The following GRK7 variants were observed in gnomAD, a reference collection of about 807,000 sequenced individuals.
GRK7 encodes rhodopsin kinase GRK7.
In GRK7, 24 loss-of-function variants were observed where a neutral mutation model predicts 34.1. The observed-to-expected ratio is 0.70, with a 90% CI of 0.51 to 0.99. The LOEUF is 0.99. Ranked by LOEUF, GRK7 falls within the 50% of genes least tolerant of loss-of-function variation. The pLI is 0.00. For missense variants in GRK7, 644 were observed against 707.3 expected, an observed-to-expected ratio of 0.91 and a Z score of 1.02; for synonymous variants, 256 against 279.4, an observed-to-expected ratio of 0.92 and a Z score of 0.84.
intron 5 of GRK7, among the ~76,000 whole-genome samples, chr3:141,815,327 TA>T (rs1201712857): frequency 1.3e-5 from 2 of 152,208 alleles, no homozygotes; most frequent in African/African-American, 4.8e-5. Flanking sequence ...AATTGACTTT[TA>T]TCTGATGATT....
intron 4 of GRK7, among the ~76,000 whole-genome samples, chr3:141,786,416 G>T (rs907581310): frequency 7.2e-5 from 11 of 152,164 alleles, no homozygotes; most frequent in African/African-American, 2.7e-4. Flanking sequence ...AGACCCGTGA[G>T]TATGATGAGA....
chr3:141,754,025 TAA>T, the GRK7 span, among the ~76,000 whole-genome samples: 1 of 152,256 alleles, frequency 6.6e-6, no homozygotes, highest in African/African-American at 2.4e-5. Context: ...CCAGGTTTAA[TAA>T]AGAGATAATG....
chr3:141,798,469 C>T (rs538483937), intron 4 of GRK7, among the ~76,000 whole-genome samples: 1 of 151,996 alleles, frequency 6.6e-6, no homozygotes, highest in Non-Finnish European at 1.5e-5. Context: ...ACACACACAC[C>T]CACACACCCC....
chr3:141,778,226 C>T lies in GRK7; in HGVS notation c.-59C>T, dbSNP rs554122518. 1.4e-4 allele frequency: 216 copies of T among 1,513,650 alleles called. 3 individuals are homozygous for T. The African/African-American group carries it at 1.9e-3, about 13-fold the overall frequency. The allele number at this position is 1,513,650 out of a possible 1,614,324, so 93.8% of individuals were successfully genotyped here. A position where few individuals can be genotyped will look rare whatever the true frequency, so the allele number is the denominator to read the frequency against. ...CGTTGTCTCACCCGGGAAGGGAAAG[C>T]AGCCAGCAGCCCTCCAGCCCTCTTG... On this transcript the variant is annotated 5_prime_UTR_variant, in exon 3 of 6. Coordinates refer to ENST00000682958, the MANE Select transcript of GRK7 (RefSeq NM_139209.3). This position sits in a 1 kb window ranked among gnomAD's most constrained non-coding sequence, Gnocchi z 4.1.
intron 4 of GRK7, among the ~76,000 whole-genome samples, chr3:141,795,602 G>A (rs979102718): frequency 6.6e-6 from 1 of 152,074 alleles, no homozygotes. Context: ...TATTGGCAAG[G>A]GTGCTGGGGA....
At chr3:141,779,640 T>C (rs555939459) in intron 3 of GRK7, among the ~76,000 whole-genome samples, 1 of 152,264 alleles carries the variant, frequency 6.6e-6, no homozygotes, top group South Asian at 2.1e-4. Flanking sequence ...TCAATCTGGA[T>C]CCAAGACACT....
intron 1 of GRK7, among the ~76,000 whole-genome samples, chr3:141,772,072 G>T (rs1027257882): frequency 1.3e-5 from 2 of 151,854 alleles, no homozygotes; most frequent in Non-Finnish European, 2.9e-5. Flanking sequence ...GGTTCTTTGG[G>T]TATTTTGTTT....
chr3:141,782,251 A>G (rs940220278), intron 4 of GRK7, among the ~76,000 whole-genome samples: 27 of 152,226 alleles, frequency 1.8e-4, no homozygotes, highest in Admixed American at 1.8e-3. Context: ...CAGGCAAGAA[A>G]TAATGGGGGT....
intron 4 of GRK7, among the ~76,000 whole-genome samples, chr3:141,784,230 G>A (rs2084685390): frequency 6.6e-6 from 1 of 152,162 alleles, no homozygotes; most frequent in East Asian, 1.9e-4. Flanking sequence ...CGTGCAGGAA[G>A]GTTTCTGTGC....
chr3:141,808,742 G>A (rs1230818162), intron 5 of GRK7, among the ~76,000 whole-genome samples: 1 of 151,972 alleles, frequency 6.6e-6, no homozygotes, highest in Non-Finnish European at 1.5e-5. Context: ...AAGTAGAACG[G>A]CAGTTTCCTG....
chr3:141,766,412 C>T (rs2084581337), intron 1 of GRK7, among the ~76,000 whole-genome samples: 1 of 152,190 alleles, frequency 6.6e-6, no homozygotes, highest in Non-Finnish European at 1.5e-5. Context: ...ATCCACCCGC[C>T]TCGGCCTCCC....
Position 141,778,222 on chromosome 3 carries a change from A to G in GRK7, c.-63A>G, listed in dbSNP as rs542940579. On this transcript the variant is annotated 5_prime_UTR_variant, in exon 3 of 6. Transcript: ENST00000682958. The surrounding 1 kb of genome is among the most constrained non-coding windows in gnomAD (Gnocchi z 4.1). ...TGGACGTTGTCTCACCCGGGAAGGGAAAGCAGCCAGCAGCCCTCCAGCCCT... is the reference window on the plus strand; with the variant it reads ...TGGACGTTGTCTCACCCGGGAAGGGGAAGCAGCCAGCAGCCCTCCAGCCCT... 4 of 1,513,164 alleles carry G rather than the reference A, an allele frequency of 2.6e-6. No homozygotes were observed. In the African/African-American group the frequency reaches 5.6e-5, roughly 21 times the overall value. The allele number at this position is 1,513,164 out of a possible 1,614,324, so 93.7% of individuals were successfully genotyped here.
chr3:141,807,876 A>G lies in GRK7; in HGVS notation c.1282A>G (p.Arg428Gly), dbSNP rs1388747975. The change falls in exon 5 of 6, where the codon AGG becomes GGG. Residue 428 changes from arginine to glycine, a missense_variant. Coordinates refer to ENST00000682958, the MANE Select transcript of GRK7 (RefSeq NM_139209.3). ...CACAGAGGAAGCAAAAGATATTTGC[A>G]GGCTCTTCTTGGCTAAGAAACCAGA... ...NFTEEAKDIC[R>G]LFLAKKPEQR... The G allele has an allele frequency of 3.7e-6, 6 of 1,608,710 alleles. No individual in the cohort carries two copies. The highest frequency in any genetic ancestry group is 5.1e-6 in the Non-Finnish European group (6 of 1,176,572).
intron 4 of GRK7, among the ~76,000 whole-genome samples, chr3:141,804,531 AAC>A (rs536597085): frequency 5.3e-5 from 8 of 151,722 alleles, no homozygotes; most frequent in Non-Finnish European, 1.0e-4. Flanking sequence ...AAGTATTCTC[AAC>A]ACACACACAC....
intron 4 of GRK7, among the ~76,000 whole-genome samples, chr3:141,781,708 T>TTAAA (rs1160328209): frequency 6.6e-6 from 1 of 152,128 alleles, no homozygotes; most frequent in African/African-American, 2.4e-5. Flanking sequence ...AATGAAAATA[T>TTAAA]ATGGAAGAAA....
chr3:141,811,090 G>A (rs1254421180), intron 5 of GRK7, among the ~76,000 whole-genome samples: 2 of 151,990 alleles, frequency 1.3e-5, no homozygotes, highest in Admixed American at 1.3e-4. Context: ...CAAGGCGGGT[G>A]GGTCACCTGA....
chr3:141,819,248 C>A lies in GRK7; in HGVS notation c.*2198C>A, dbSNP rs1711184746. 6.6e-6 allele frequency among the ~76,000 whole-genome samples: 1 copy of A among 152,046 alleles called. No homozygotes were observed. Among genetic ancestry groups the A allele is most frequent in the Non-Finnish European group, 1.5e-5 (1 of 68,006 alleles). On this transcript the variant is annotated 3_prime_UTR_variant, in exon 6 of 6. Coordinates refer to ENST00000682958, the MANE Select transcript of GRK7 (RefSeq NM_139209.3). ...TTTGTTGATTATGCCTTAAAGCTGG[C>A]AGAGGGACAAATGCAAACTAATAAT... is the stretch of plus-strand genomic sequence containing the variant.
At chr3:141,799,334 C>T (rs1316436163) in intron 4 of GRK7, among the ~76,000 whole-genome samples, 1 of 152,172 alleles carries the variant, frequency 6.6e-6, no homozygotes, top group East Asian at 1.9e-4. Context: ...CAGGCCAGGG[C>T]AGGCATGGTG....
In GRK7 at chr3:141,817,001, G is replaced by T. The variant is rs1321168816; in HGVS notation, c.1613G>T (p.Gly538Val). ...CTGAATGACCCCAACAGACCTACGG[G>T]TTGTGAGGAGGGTAATTCATCCAAG... ...EELNDPNRPT[G>V]CEEGNSSKSG... Residue 538 changes from glycine (G) to valine (V), a missense_variant, in exon 6 of 6, where the codon GGT (glycine) becomes GTT (valine). Coordinates refer to ENST00000682958, the MANE Select transcript of GRK7 (RefSeq NM_139209.3). 1.9e-6 allele frequency: 3 copies of T among 1,612,548 alleles called. No individual in the cohort carries two copies. Among genetic ancestry groups the T allele is most frequent in the Non-Finnish European group, 2.5e-6 (3 of 1,179,728 alleles).
Sources: gnomAD v4.1 joint callset for allele counts (sites outside exome capture counted in the v4.1 genomes callset) on GRCh38, gnomAD v4.1.1 for gene constraint, Gnocchi (gnomAD v3.1) non-coding constraint, MANE v1.5 for transcripts, NCBI Gene and HGNC (gene_info 2026-07-23, HGNC 2026-07-21) for gene names.